Variants in COPG2 observed in about 807,000 individuals in gnomAD.
COPG2 encodes coat protein complex I subunit gamma 2.
Under a neutral mutation model 46.3 loss-of-function variants are expected in COPG2, and 37 were observed. The observed-to-expected ratio is 0.80, with a 90% CI of 0.61 to 1.05. The LOEUF (loss-of-function observed/expected upper bound fraction) is 1.05, where lower values mean the gene tolerates loss of function less well. Ranked by LOEUF, COPG2 falls within the 50% of genes least tolerant of loss-of-function variation. The pLI is 0.00. For missense variants in COPG2, 427 were observed against 387.8 expected, an observed-to-expected ratio of 1.10 and a Z score of -0.85; for synonymous variants, 159 against 129.7, an observed-to-expected ratio of 1.23 and a Z score of -1.53.
chr7:130,648,374 T>C (rs1252761849), intron 5 of COPG2, among the ~76,000 whole-genome samples: 3 of 152,160 alleles, frequency 2.0e-5, no homozygotes, highest in Admixed American at 6.5e-5. Flanking sequence ...ATACATTCAT[T>C]CACCCCCTTC....
At chr7:130,621,547 G>A (rs1285863345) in intron 5 of COPG2, among the ~76,000 whole-genome samples, 2 of 152,142 alleles carry the variant, frequency 1.3e-5, no homozygotes, top group Non-Finnish European at 2.9e-5. Context: ...CGGTGCTCAC[G>A]CCTGTAATCC....
intron 20 of COPG2, among the ~76,000 whole-genome samples, chr7:130,545,257 A>G (rs919746098): frequency 6.6e-6 from 1 of 152,102 alleles, no homozygotes; most frequent in Admixed American, 6.5e-5. Flanking sequence ...TTACACAGTC[A>G]GTATGTAGCA....
chr7:130,595,994 T>C (rs1356366600), intron 9 of COPG2, among the ~76,000 whole-genome samples: 1 of 152,348 alleles, frequency 6.6e-6, no homozygotes, highest in African/African-American at 2.4e-5. Context: ...GTGCCTCTGC[T>C]TCCTCCAGCT....
At chr7:130,651,494 A>ATTTTTTTTTTTT (rs59572019) in intron 5 of COPG2, among the ~76,000 whole-genome samples, 27 of 57,242 alleles carry the variant, frequency 4.7e-4, no homozygotes, top group Non-Finnish European at 5.9e-4. Flanking sequence ...ATTTTTTTGT[A>ATTTTTTTTTTTT]TTTTTTTTTT....
At chr7:130,547,581 A>G (rs1292162031) in intron 20 of COPG2, 93 bp downstream of exon 20, 1 of 398,186 alleles carries the variant, frequency 2.5e-6, no homozygotes, top group African/African-American at 2.1e-5. Context: ...CTAGAAAAGC[A>G]TCACATTCTT....
At position 130,659,358 on chromosome 7, in the gene COPG2, A is replaced by AAAAAAAAAAAAAC. The variant is rs1184249684; in HGVS notation, c.243+3608_243+3609insGTTTTTTTTTTTT. Among the ~76,000 whole-genome samples the AAAAAAAAAAAAAC allele has an allele frequency of 1.3e-5, 2 of 149,438 alleles. 1 individual carries two copies. The highest frequency in any genetic ancestry group is 3.0e-5 in the Non-Finnish European group (2 of 67,232). On this transcript the variant is annotated intron_variant, in intron 4 of 23. Coordinates refer to ENST00000425248, the MANE Select transcript of COPG2 (RefSeq NM_012133.6). ...CGACAGAGCAAGACTCCGTCTCAAA[A>AAAAAAAAAAAAAC]AAAAAAAAAACGAACAAACAAGCAT... is the stretch of plus-strand genomic sequence containing the variant.
intron 17 of COPG2, 92 bp downstream of exon 17, chr7:130,550,432 A>AAT: frequency 3.5e-6 from 1 of 282,512 alleles, no homozygotes; most frequent in Admixed American, 5.3e-5. Flanking sequence ...AAAAAAAAAA[A>AAT]GAGTGACAAT....
At chr7:130,514,279 A>G (rs1344174056) in intron 20 of COPG2, among the ~76,000 whole-genome samples, 3 of 152,218 alleles carry the variant, frequency 2.0e-5, no homozygotes, top group African/African-American at 7.2e-5. Flanking sequence ...TAGTTTGTAG[A>G]ATGGATGACT....
At chr7:130,608,176 T>C (rs1794773137) in intron 9 of COPG2, 1 of 440,560 alleles carries the variant, frequency 2.3e-6, no homozygotes, top group South Asian at 1.7e-5. Context: ...ATATTCATCC[T>C]TATCACAGTG....
chr7:130,630,439 G>A (rs1458953888), intron 5 of COPG2, among the ~76,000 whole-genome samples: 2 of 152,110 alleles, frequency 1.3e-5, no homozygotes, highest in African/African-American at 4.8e-5. Context: ...ATTACTTCCT[G>A]TAGCTTTTGT....
intron 20 of COPG2, among the ~76,000 whole-genome samples, chr7:130,534,704 TAAG>T (rs1799861983): frequency 1.3e-5 from 2 of 151,808 alleles, no homozygotes; most frequent in East Asian, 3.9e-4. Flanking sequence ...AGAACCTGTG[TAAG>T]AAGGTCTTAA....
At chr7:130,610,033 A>G (rs782802666) in intron 9 of COPG2, 1 of 514,168 alleles carries the variant, frequency 1.9e-6, no homozygotes, top group Non-Finnish European at 3.9e-6. Context: ...ACTGCCTCCT[A>G]ATTTCTATAT....
intron 4 of COPG2, among the ~76,000 whole-genome samples, chr7:130,654,002 T>G (rs1584612847): frequency 6.7e-6 from 1 of 148,298 alleles, no homozygotes; most frequent in Non-Finnish European, 1.5e-5. Flanking sequence ...AGAAGAAAAC[T>G]AGAGATACGA....
intron 9 of COPG2, among the ~76,000 whole-genome samples, chr7:130,597,173 A>T (rs1372269691): frequency 6.6e-6 from 1 of 152,108 alleles, no homozygotes; most frequent in Non-Finnish European, 1.5e-5. Flanking sequence ...TCTCCTTACC[A>T]ACCTTCACAC....
chr7:130,649,935 A>G (rs1554458858), intron 5 of COPG2, among the ~76,000 whole-genome samples: 1 of 152,216 alleles, frequency 6.6e-6, no homozygotes, highest in Non-Finnish European at 1.5e-5. Context: ...TCATTTCTTT[A>G]TCTTACAGTT....
intron 4 of COPG2, among the ~76,000 whole-genome samples, chr7:130,662,606 C>G (rs1396813058): frequency 2.0e-5 from 3 of 152,194 alleles, no homozygotes; most frequent in Non-Finnish European, 2.9e-5. Flanking sequence ...CTCTTCTTCT[C>G]AACTGCCAGC....
intron 18 of COPG2, among the ~76,000 whole-genome samples, chr7:130,548,779 G>A (rs1005966551): frequency 4.6e-5 from 7 of 151,772 alleles, no homozygotes; most frequent in South Asian, 2.1e-4. Context: ...TTAGTCAGGC[G>A]TGGTGGCAGG....
chr7:130,658,340 A>G (rs868996129), intron 4 of COPG2, among the ~76,000 whole-genome samples: 1 of 152,318 alleles, frequency 6.6e-6, no homozygotes, highest in Non-Finnish European at 1.5e-5. Flanking sequence ...GAAAAGGCAA[A>G]TTTATAAGGA....
At chr7:130,661,584 G>C (rs900758649) in intron 4 of COPG2, among the ~76,000 whole-genome samples, 37 of 152,192 alleles carry the variant, frequency 2.4e-4, no homozygotes, top group African/African-American at 8.2e-4. Context: ...TTTGATTGAA[G>C]GTATTAATGA....
Sources: gnomAD v4.1 joint callset for allele counts (sites outside exome capture counted in the v4.1 genomes callset) on GRCh38, gnomAD v4.1.1 for gene constraint, MANE v1.5 for transcripts, NCBI Gene and HGNC (gene_info 2026-07-23, HGNC 2026-07-21) for gene names.